The following AOAH variants were observed in gnomAD, a reference collection of about 807,000 sequenced individuals.
AOAH encodes the protein acyloxyacyl hydrolase.
A neutral mutation model predicts 92.2 loss-of-function variants in AOAH; 64 were observed. That is an observed-to-expected ratio of 0.69 (90% CI 0.57 to 0.86). The LOEUF is 0.86. Ranked by LOEUF, AOAH falls within the 40% of genes least tolerant of loss-of-function variation. The probability of loss-of-function intolerance (pLI) is 0.00; values close to 1 mark genes in which losing one functional copy is unlikely to be tolerated. For synonymous variants in AOAH, 263 were observed against 254.5 expected, an observed-to-expected ratio of 1.03 and a Z score of -0.32; for missense variants, 656 against 694.6, an observed-to-expected ratio of 0.94 and a Z score of 0.62.
intron 5 of AOAH, among the ~76,000 whole-genome samples, chr7:36,633,880 C>T (rs149710968): frequency 0.01 from 1,556 of 152,270 alleles, 59 homozygotes; most frequent in Admixed American, 0.067. Flanking sequence ...GTGCGGGCTG[C>T]CCTGTGCACT....
intron 13 of AOAH, among the ~76,000 whole-genome samples, chr7:36,556,521 T>A (rs1786727141): frequency 6.6e-6 from 1 of 151,664 alleles, no homozygotes; most frequent in Non-Finnish European, 1.5e-5. Flanking sequence ...AGAGCTGAGT[T>A]CAATTCCTGG....
intron 19 of AOAH, among the ~76,000 whole-genome samples, chr7:36,524,745 T>C (rs1447674798): frequency 6.6e-6 from 1 of 151,878 alleles, no homozygotes; most frequent in Non-Finnish European, 1.5e-5. Context: ...CACTCTTTTT[T>C]TTTTTTAAAC....
intron 10 of AOAH, among the ~76,000 whole-genome samples, chr7:36,617,249 TGA>T (rs1465069508): frequency 4.6e-5 from 7 of 152,194 alleles, no homozygotes; most frequent in Non-Finnish European, 8.8e-5. Context: ...AAATGGGGAC[TGA>T]GAAGGCCCAG....
In AOAH at chr7:36,688,687, G is replaced by C. The variant is rs559708342; in HGVS notation, c.128-1893C>G. ...ATTTATTTCTAAGAGTTTAGAGTTAGACCATATGTTCCTTAAGGGCAGGAA... is the reference window on the plus strand; with the variant it reads ...ATTTATTTCTAAGAGTTTAGAGTTACACCATATGTTCCTTAAGGGCAGGAA... On this transcript the variant is annotated intron_variant, in intron 1 of 20. Transcript: ENST00000617537. Among the ~76,000 whole-genome samples the C allele has an allele frequency of 4.6e-5, 7 of 152,180 alleles. No homozygotes were observed. In the South Asian group the frequency reaches 1.5e-3, roughly 32 times the overall value.
At chr7:36,616,536 G>C (rs1791896496) in intron 10 of AOAH, 62 bp from the exon 11 acceptor site, 1 of 1,396,224 alleles carries the variant, frequency 7.2e-7, no homozygotes, top group Admixed American at 1.8e-5. Flanking sequence ...CTCCAGACTG[G>C]GTAGATATAA....
intron 1 of AOAH, among the ~76,000 whole-genome samples, chr7:36,706,569 G>A (rs895328219): frequency 2.0e-5 from 3 of 152,138 alleles, no homozygotes; most frequent in Non-Finnish European, 4.4e-5. Context: ...CTTGTCCTTT[G>A]GAGTTTTGCA....
intron 13 of AOAH, among the ~76,000 whole-genome samples, chr7:36,551,539 C>T (rs554242092): frequency 1.3e-5 from 2 of 152,292 alleles, no homozygotes; most frequent in South Asian, 4.1e-4. Flanking sequence ...CCCTCCAGTC[C>T]CTGATAGCCA....
At chr7:36,592,311 A>G (rs1488254490) in intron 12 of AOAH, among the ~76,000 whole-genome samples, 1 of 152,158 alleles carries the variant, frequency 6.6e-6, no homozygotes, top group Non-Finnish European at 1.5e-5. Flanking sequence ...GATGTGTTCC[A>G]GGTAAAGACA....
At chr7:36,556,648 C>T (rs1786742782) in intron 13 of AOAH, among the ~76,000 whole-genome samples, 1 of 144,578 alleles carries the variant, frequency 6.9e-6, no homozygotes, top group Non-Finnish European at 1.5e-5. Context: ...TCAGGACTTG[C>T]TTTATGAATC....
chr7:36,612,042 A>T (rs184823975), intron 11 of AOAH, among the ~76,000 whole-genome samples: 11 of 152,158 alleles, frequency 7.2e-5, no homozygotes, highest in Admixed American at 1.3e-4. Flanking sequence ...AGATTGAATT[A>T]AAAAATGCAT....
chr7:36,549,560 A>G (rs994599244), intron 13 of AOAH, 85 bp from the exon 14 acceptor site: 7 of 925,670 alleles, frequency 7.6e-6, no homozygotes, highest in Non-Finnish European at 1.2e-5. Context: ...GACTGAACTC[A>G]TGAAAGCGGC....
rs1784231672 is a variant in AOAH at position 36,523,637 on chromosome 7, T to TTTG, written c.1523-1523_1523-1522insCAA. On this transcript the variant is annotated intron_variant, in intron 19 of 20. Transcript: ENST00000617537. ...CCTGGCCTGTTTTGCCTGTTTTTTTTTTTTTTTTTTTTGGCATGTCCTTGG... is the reference window on the plus strand; with the variant it reads ...CCTGGCCTGTTTTGCCTGTTTTTTTTTTGTTTTTTTTTTTTGGCATGTCCTTGG... Among the ~76,000 whole-genome samples the TTTG allele has an allele frequency of 4.3e-5, 6 of 140,992 alleles. No homozygotes were observed. The South Asian group carries it at 1.4e-3, about 33-fold the overall frequency. 92.5% of individuals were successfully genotyped at this position (140,992 alleles called of 152,430 possible).
At chr7:36,629,350 T>C (rs1409608339) in intron 6 of AOAH, among the ~76,000 whole-genome samples, 1 of 152,210 alleles carries the variant, frequency 6.6e-6, no homozygotes, top group Non-Finnish European at 1.5e-5. Context: ...GTTGTCACTT[T>C]GACCCTGTTG....
intron 12 of AOAH, 150 bp downstream of exon 12, chr7:36,594,189 C>CAGTAGG: frequency 1.5e-6 from 1 of 659,628 alleles, no homozygotes; most frequent in South Asian, 1.9e-5. Flanking sequence ...ATTTGCATTA[C>CAGTAGG]ATCCTACTGT....
chr7:36,648,436 T>G (rs1033093701), intron 4 of AOAH, among the ~76,000 whole-genome samples: 5 of 152,168 alleles, frequency 3.3e-5, no homozygotes, highest in Non-Finnish European at 7.3e-5. Context: ...CTTTTTGATT[T>G]TTTTAGGAGC....
chr7:36,520,712 A>G (rs1317575156), intron 20 of AOAH, among the ~76,000 whole-genome samples: 4 of 56,706 alleles, frequency 7.1e-5, no homozygotes, highest in Admixed American at 4.0e-4. Context: ...TCTCGAGAAA[A>G]AAAAAAAAAA....
intron 11 of AOAH, among the ~76,000 whole-genome samples, chr7:36,597,641 C>T (rs1790227253): frequency 6.6e-6 from 1 of 152,162 alleles, no homozygotes. Context: ...TCACCTTTTT[C>T]TCTGTCATCC....
intron 6 of AOAH, among the ~76,000 whole-genome samples, chr7:36,631,100 C>T (rs1368164356): frequency 1.3e-5 from 2 of 152,148 alleles, no homozygotes; most frequent in Non-Finnish European, 2.9e-5. Flanking sequence ...AATCCCAGCA[C>T]TTTGGGAGGC....
In AOAH at chr7:36,513,318, G is replaced by A; in HGVS notation, c.1662C>T (p.Ile554=). 1 of 1,614,136 alleles carries A rather than the reference G, an allele frequency of 6.2e-7. No individual in the cohort carries two copies. The highest frequency in any genetic ancestry group is 1.3e-5 in the African/African-American group (1 of 75,028). ...GGTTGAACGGATTCTCCTTTCCCAG[G>A]ATTTGGGGCCACTGGAGCTGCACCT... ...WKKVQLQWPQ[I]LGKENPFNPQ... The change falls in exon 21 of 21, where the codon ATC becomes ATT. Residue 554 remains isoleucine, a synonymous_variant. Transcript: ENST00000617537.
Sources: allele counts gnomAD v4.1 joint callset (sites outside exome capture counted in the v4.1 genomes callset), GRCh38; gene constraint gnomAD v4.1.1; transcripts MANE v1.5; gene names NCBI Gene and HGNC (gene_info 2026-07-23, HGNC 2026-07-21).